The following POT1 variants were observed in gnomAD, a reference collection of about 807,000 sequenced individuals.
POT1 encodes protection of telomeres protein 1.
Under a neutral mutation model 78.5 loss-of-function variants are expected in POT1, and 47 were observed. The ratio of observed to expected loss-of-function variants is 0.60; its 90% confidence interval spans 0.47 to 0.76. POT1 has a LOEUF of 0.76. POT1 is among the 30% of genes least tolerant of loss of function. The probability of loss-of-function intolerance (pLI) is 0.00; values close to 1 mark genes in which losing one functional copy is unlikely to be tolerated. For synonymous variants in POT1, 259 were observed against 260.7 expected (o/e 0.99, Z 0.06); for missense variants, 646 against 749.9 (o/e 0.86, Z 1.62).
At chr7:124,829,517 T>A (rs1794710581) in intron 15 of POT1, among the ~76,000 whole-genome samples, 175 bp from the exon 16 acceptor site, 1 of 152,010 alleles carries the variant, frequency 6.6e-6, no homozygotes. Flanking sequence ...TATGAAAGAG[T>A]AAGCTTATTA....
intron 2 of POT1, among the ~76,000 whole-genome samples, chr7:124,920,485 C>T (rs1297735027): frequency 6.6e-6 from 1 of 152,100 alleles, no homozygotes; most frequent in Non-Finnish European, 1.5e-5. Context: ...ATTGTGGTTA[C>T]ATACACATTT....
chr7:124,905,828 G>GAT (rs201757311), intron 3 of POT1, among the ~76,000 whole-genome samples: 2,077 of 152,208 alleles, frequency 0.014, 48 homozygotes, highest in African/African-American at 0.048. Flanking sequence ...GTGGGCGAAG[G>GAT]ATATGAACTG....
rs1450240396 is a variant in POT1, at chr7:124,841,002, A to T, written c.1340T>A (p.Leu447His). 10 of 1,609,882 alleles carry T rather than the reference A, an allele frequency of 6.2e-6. No homozygotes were observed. Among genetic ancestry groups the T allele is most frequent in the Non-Finnish European group, 8.5e-6 (10 of 1,176,924 alleles). The change falls in exon 14 of 19, where the codon CTT (leucine) becomes CAT (histidine). Residue 447 changes from leucine (L) to histidine (H), a missense_variant. By Grantham distance (99) the Leu-to-His change is moderately conservative (BLOSUM62 -3). Transcript: ENST00000357628. ...HFVKNNGILP[L>H]SNECLLLIEG... ...TATCAAAAGTAGACATTCATTTGAA[A>T]GCGGGAGAATACCATTATTTTTCAC...
Position 124,866,778 on chromosome 7 carries a change from C to T in POT1, c.256-3138G>A, listed in dbSNP as rs1428089534. Among the ~76,000 whole-genome samples the T allele has an allele frequency of 1.3e-5, 2 of 152,262 alleles. 1 individual carries two copies. Among genetic ancestry groups the T allele is most frequent in the East Asian group, 3.9e-4 (2 of 5,180 alleles). ...GATCATAGCTACCCATTGTCCGATG[C>T]CTAAAAAACAGTTGCCTCATAACGT... On this transcript the variant is annotated intron_variant, in intron 7 of 18. Transcript: ENST00000357628.
intron 15 of POT1, among the ~76,000 whole-genome samples, chr7:124,834,275 A>G: frequency 6.6e-6 from 1 of 152,150 alleles, no homozygotes; most frequent in East Asian, 1.9e-4. Flanking sequence ...TAAACTAAAG[A>G]GCTTCTGCAC....
intron 15 of POT1, among the ~76,000 whole-genome samples, chr7:124,832,047 T>G (rs1274927806): frequency 1.3e-5 from 2 of 148,774 alleles, no homozygotes; most frequent in Non-Finnish European, 3.0e-5. Context: ...GTAGGCAGAT[T>G]GCTTGAACTC....
At chr7:124,825,599 G>A (rs1437011979) in intron 17 of POT1, among the ~76,000 whole-genome samples, 1 of 151,980 alleles carries the variant, frequency 6.6e-6, no homozygotes, top group East Asian at 1.9e-4. Context: ...TAATAATGAT[G>A]ATGGTAATAA....
At chr7:124,863,738 C>T (rs1795656970) in intron 7 of POT1, 98 bp from the exon 8 acceptor site, 32 of 1,004,058 alleles carry the variant, frequency 3.2e-5, no homozygotes, top group Non-Finnish European at 4.7e-5. Flanking sequence ...ATCAATTTTG[C>T]CAGCATAATT....
intron 11 of POT1, among the ~76,000 whole-genome samples, chr7:124,849,647 A>T (rs1208551197): frequency 6.6e-6 from 1 of 152,172 alleles, no homozygotes; most frequent in Non-Finnish European, 1.5e-5. Flanking sequence ...AAGTAAAAAC[A>T]TGGAAGTACA....
At chr7:124,837,892 A>T (rs1794934707) in intron 14 of POT1, among the ~76,000 whole-genome samples, 2 of 152,168 alleles carry the variant, frequency 1.3e-5, no homozygotes, top group Admixed American at 6.5e-5. Context: ...AAGGCTGGTT[A>T]AACACCTCAA....
At chr7:124,902,308 T>A (rs1396339241) in intron 3 of POT1, among the ~76,000 whole-genome samples, 2 of 152,130 alleles carry the variant, frequency 1.3e-5, no homozygotes, top group African/African-American at 2.4e-5. Context: ...GGGAAGCCCA[T>A]CAGACTAATA....
chr7:124,879,580 C>T (rs1031839993), intron 6 of POT1, among the ~76,000 whole-genome samples: 1 of 152,030 alleles, frequency 6.6e-6, no homozygotes, highest in Non-Finnish European at 1.5e-5. Context: ...AAACGACATG[C>T]TGACTCTAAA....
chr7:124,892,628 C>T (rs1365150775), intron 5 of POT1: 1 of 245,766 alleles, frequency 4.1e-6, no homozygotes. Flanking sequence ...CTAATTAAAA[C>T]ATTATACTTC....
chr7:124,851,538 A>G (rs1267440560), intron 11 of POT1, among the ~76,000 whole-genome samples: 1 of 152,246 alleles, frequency 6.6e-6, no homozygotes, highest in Admixed American at 6.5e-5. Flanking sequence ...GTTATGCGAA[A>G]TAAGTGGCAA....
At chr7:124,872,264 T>C (rs533065143) in intron 6 of POT1, among the ~76,000 whole-genome samples, 1 of 152,316 alleles carries the variant, frequency 6.6e-6, no homozygotes, top group South Asian at 2.1e-4. Flanking sequence ...CTATTGTGAA[T>C]AAGCCTGCAA....
chr7:124,888,940 T>C (rs1796306812), intron 6 of POT1, among the ~76,000 whole-genome samples: 2 of 151,894 alleles, frequency 1.3e-5, no homozygotes, highest in Admixed American at 1.3e-4. Context: ...ACAACAATAT[T>C]GAAATTAGAT....
rs1268645335 is a variant in POT1, at chr7:124,863,402, G to C, written c.494C>G (p.Thr165Ser). 6.2e-7 allele frequency: 1 copy of C among 1,613,868 alleles called. No homozygotes were observed. ...TTCTGCTTTGCCCAAGAGCTGACAA[G>C]TCAGGTCAAAATACTGCATTGGCTG... ...DVQPMQYFDL[T>S]CQLLGKAEVD... The change falls in exon 8 of 19, where the codon ACT becomes AGT. Residue 165 changes from threonine to serine, a missense_variant. Coordinates refer to ENST00000357628, the MANE Select transcript of POT1 (RefSeq NM_015450.3).
At chr7:124,909,752 A>G (rs532656814) in intron 3 of POT1, among the ~76,000 whole-genome samples, 38 of 152,062 alleles carry the variant, frequency 2.5e-4, no homozygotes, top group Middle Eastern at 6.8e-3. Context: ...ATGTCAGGTA[A>G]AACACTAATA....
chr7:124,850,196 T>C (rs1795269220), intron 11 of POT1, among the ~76,000 whole-genome samples: 1 of 152,216 alleles, frequency 6.6e-6, no homozygotes, highest in Non-Finnish European at 1.5e-5. Flanking sequence ...CAAAACGTTA[T>C]CACGAAGTTG....
Sources: gnomAD v4.1 joint callset for allele counts (sites outside exome capture counted in the v4.1 genomes callset) on GRCh38, gnomAD v4.1.1 for gene constraint, MANE v1.5 for transcripts, NCBI Gene and HGNC (gene_info 2026-07-23, HGNC 2026-07-21) for gene names.